Variants in ABCA1 observed in about 807,000 individuals in gnomAD.
The protein encoded by ABCA1 is phospholipid-transporting ATPase ABCA1.
Under a neutral mutation model 262.5 loss-of-function variants are expected in ABCA1, and 133 were observed. The ratio of observed to expected loss-of-function variants is 0.51; its 90% CI spans 0.44 to 0.59. The LOEUF (loss-of-function observed/expected upper bound fraction) is 0.59. Ranked by LOEUF, ABCA1 falls within the 20% of genes least tolerant of loss-of-function variation. The pLI is 0.00. For synonymous variants in ABCA1, 1,022 were observed against 1,043.5 expected (o/e 0.98, Z 0.40); for missense variants, 2,452 against 2,777.5 (o/e 0.88, Z 2.63).
intron 1 of ABCA1, among the ~76,000 whole-genome samples, chr9:104,927,365 C>G (rs1414472917): frequency 1.3e-5 from 2 of 152,282 alleles, no homozygotes; most frequent in East Asian, 3.9e-4. Flanking sequence ...GCACCACGGA[C>G]CGTTTGGGAC....
At chr9:104,899,174 A>C (rs764705894) in intron 2 of ABCA1, among the ~76,000 whole-genome samples, 1 of 152,152 alleles carries the variant, frequency 6.6e-6, no homozygotes, top group Non-Finnish European at 1.5e-5. Flanking sequence ...TGGAGAAAGG[A>C]GTTTTCCTAG....
intron 28 of ABCA1, 70 bp downstream of exon 28, chr9:104,812,504 C>G: frequency 6.3e-7 from 1 of 1,595,602 alleles, no homozygotes; most frequent in Non-Finnish European, 8.6e-7. Context: ...TGCTATCCTG[C>G]CTTCACTGGT....
chr9:104,876,900 G>T (rs1318307924), intron 5 of ABCA1, among the ~76,000 whole-genome samples: 1 of 152,166 alleles, frequency 6.6e-6, no homozygotes, highest in Non-Finnish European at 1.5e-5. Context: ...GCAGGTGGGG[G>T]CCTGAGGCTG....
At chr9:104,813,953 C>T (rs999149372) in intron 27 of ABCA1, among the ~76,000 whole-genome samples, 165 bp downstream of exon 27, 8 of 152,202 alleles carry the variant, frequency 5.3e-5, no homozygotes, top group Admixed American at 2.6e-4. Context: ...ATCACATGCA[C>T]GATGCTGCAA....
chr9:104,820,209 T>C (rs1832197029), intron 20 of ABCA1, 140 bp from the exon 21 acceptor site: 1 of 1,119,744 alleles, frequency 8.9e-7, no homozygotes, highest in East Asian at 2.5e-5. Context: ...TTCTGAAAAA[T>C]AATCTTCAAG....
intron 20 of ABCA1, among the ~76,000 whole-genome samples, chr9:104,820,408 T>A (rs1832216701): frequency 6.6e-6 from 1 of 151,276 alleles, no homozygotes. Flanking sequence ...CACCAAGAAG[T>A]CAGCTCGGCA....
rs59485690 is a variant in ABCA1 at position 104,874,360 on chromosome 9, CA to C, written c.421+8678del. The stretch of plus-strand genomic sequence containing the variant: ...ACATGGTCAGGAGTTCAAAGATGGT[CA>C]GGAGTTCAAATGGCCAACATGGCAA... On this transcript the variant is annotated intron_variant, in intron 5 of 49. Transcript: ENST00000374736. 3.4e-3 allele frequency among the ~76,000 whole-genome samples: 512 copies of C among 152,146 alleles called. 5 individuals carry two copies. Among genetic ancestry groups the C allele is most frequent in the African/African-American group, 0.011 (475 of 41,514 alleles).
At chr9:104,834,921 T>C (rs149970918) in intron 11 of ABCA1, among the ~76,000 whole-genome samples, 61 of 152,016 alleles carry the variant, frequency 4.0e-4, no homozygotes, top group African/African-American at 1.4e-3. Context: ...GGTGACAAGC[T>C]CATGTTTGTG....
chr9:104,814,321 G>A (rs1831538163), intron 26 of ABCA1, 90 bp from the exon 27 acceptor site: 1 of 1,557,266 alleles, frequency 6.4e-7, no homozygotes, highest in Non-Finnish European at 8.9e-7. Context: ...CTCTACAAAT[G>A]AGAATGCAAT....
At chr9:104,901,961 TATA>T (rs887012823) in intron 2 of ABCA1, among the ~76,000 whole-genome samples, 1 of 152,142 alleles carries the variant, frequency 6.6e-6, no homozygotes, top group Non-Finnish European at 1.5e-5. Flanking sequence ...ATTTTATTAA[TATA>T]ATATTATCTA....
At chr9:104,891,043 T>C (rs1036273289) in intron 2 of ABCA1, among the ~76,000 whole-genome samples, 1 of 152,190 alleles carries the variant, frequency 6.6e-6, no homozygotes, top group African/African-American at 2.4e-5. Flanking sequence ...TGGGAGAGCA[T>C]TTCCCATGAC....
At chr9:104,907,466 TGTC>T (rs1165510631) in intron 1 of ABCA1, among the ~76,000 whole-genome samples, 1 of 152,152 alleles carries the variant, frequency 6.6e-6, no homozygotes, top group Non-Finnish European at 1.5e-5. Context: ...GGTCCTGGCT[TGTC>T]GTAAGCACTT....
chr9:104,911,544 G>A (rs1304853507), intron 1 of ABCA1, among the ~76,000 whole-genome samples: 2 of 152,198 alleles, frequency 1.3e-5, no homozygotes, highest in African/African-American at 4.8e-5. Flanking sequence ...CTCCCAGGCT[G>A]ACCCATCAGC....
Position 104,819,634 on chromosome 9 carries a change from G to C in ABCA1, c.3193C>G (p.Pro1065Ala). ...ILDEPTAGVD[P>A]YSRRGIWELL... Reference sequence around the variant, plus strand: ...TCCCATATTCCCCTGCGGGAGTAAGGGTCCACACCAGCTGTGGGTTCATCC... The same window carrying C: ...TCCCATATTCCCCTGCGGGAGTAAGCGTCCACACCAGCTGTGGGTTCATCC... Residue 1065 changes from proline (P) to alanine (A), a missense_variant, in exon 22 of 50, where the codon CCT becomes GCT. Physicochemically the swap from Pro to Ala is conservative, Grantham distance 27. This residue lies in a region of ABCA1 where 665 missense variants were observed against 727.3 expected (regional missense o/e 0.91). Coordinates refer to ENST00000374736, the MANE Select transcript of ABCA1 (RefSeq NM_005502.4). 1 of 1,614,188 alleles carries C rather than the reference G, an allele frequency of 6.2e-7. No individual in the cohort carries two copies. Among genetic ancestry groups the C allele is most frequent in the Non-Finnish European group, 8.5e-7 (1 of 1,180,038 alleles).
At chr9:104,793,338 G>T in intron 40 of ABCA1, 38 bp from the exon 41 acceptor site, 1 of 1,613,726 alleles carries the variant, frequency 6.2e-7, no homozygotes, top group Non-Finnish European at 8.5e-7. Context: ...CAGAATGGAG[G>T]GATCAAAAAC....
chr9:104,825,469 C>A (rs369392791), intron 17 of ABCA1: 1 of 621,122 alleles, frequency 1.6e-6, no homozygotes, highest in Admixed American at 2.6e-5. Flanking sequence ...ATTTTGCATG[C>A]TGCCTGGCAC....
chr9:104,794,565 G>T, intron 39 of ABCA1, 55 bp from the exon 40 acceptor site: 2 of 1,580,470 alleles, frequency 1.3e-6, no homozygotes, highest in Non-Finnish European at 1.7e-6. Context: ...GAAGAAACGG[G>T]TGTCATTCAT....
At position 104,802,150 on chromosome 9, in the gene ABCA1, G is replaced by A; in HGVS notation, c.4602C>T (p.Gly1534=). 6.2e-7 allele frequency: 1 copy of A among 1,613,600 alleles called. No homozygotes were observed. The highest frequency in any genetic ancestry group is 8.5e-7 in the Non-Finnish European group (1 of 1,179,942). The change falls in exon 34 of 50, where the codon GGC becomes GGT. Residue 1534 remains glycine, a synonymous_variant. Transcript: ENST00000374736. ...GAGTATTACTGACACCCAGGGAAAA[G>A]CCGCCATACCTAAAAGAACAGCCTG... is the stretch of plus-strand genomic sequence containing the variant. ...KIWVNEFRYG[G]FSLGVSNTQA... is the part of the protein sequence containing the mutation.
intron 17 of ABCA1, 121 bp downstream of exon 17, chr9:104,825,562 A>G (rs1832743037): frequency 1.1e-6 from 1 of 951,548 alleles, no homozygotes; most frequent in Admixed American, 1.9e-5. Context: ...CTATCTGTTT[A>G]CTATAGATCT....
Sources: allele counts gnomAD v4.1 joint callset (sites outside exome capture counted in the v4.1 genomes callset), GRCh38; gene constraint gnomAD v4.1.1; regional missense constraint gnomAD v4.1.1; transcripts MANE v1.5; gene names NCBI Gene and HGNC (gene_info 2026-07-23, HGNC 2026-07-21).